Variants in DAB2 observed in about 807,000 individuals in gnomAD.
DAB2 encodes the protein DAB adaptor protein 2.
Under a neutral mutation model 71.6 loss-of-function variants are expected in DAB2, and 28 were observed. The ratio of observed to expected loss-of-function variants is 0.39; its 90% CI spans 0.29 to 0.54. The LOEUF is 0.54. DAB2 is among the 20% of genes least tolerant of loss of function. The pLI, the probability that DAB2 is intolerant of heterozygous loss-of-function variation, is 0.68. For missense variants in DAB2, 867 were observed against 928.8 expected, an observed-to-expected ratio of 0.93 and a Z score of 0.86; for synonymous variants, 345 against 339.7, an observed-to-expected ratio of 1.02 and a Z score of -0.17.
chr5:39,375,212 A>G, intron 13 of DAB2, 128 bp from the exon 14 acceptor site: 1 of 658,460 alleles, frequency 1.5e-6, no homozygotes, highest in Non-Finnish European at 2.7e-6. Context: ...CAAACATTAT[A>G]TGGGGCTTAC....
At chr5:39,412,981 C>A (rs1447187402) in intron 1 of DAB2, among the ~76,000 whole-genome samples, 1 of 152,058 alleles carries the variant, frequency 6.6e-6, no homozygotes, top group Non-Finnish European at 1.5e-5. Flanking sequence ...AGGGCCTGTG[C>A]TGGGTTATAC....
chr5:39,387,472 G>C (rs1391604772), intron 9 of DAB2, among the ~76,000 whole-genome samples: 1 of 152,034 alleles, frequency 6.6e-6, no homozygotes, highest in African/African-American at 2.4e-5. Flanking sequence ...TTTTAATGTT[G>C]GTCTCCCTGC....
intron 9 of DAB2, 192 bp downstream of exon 9, chr5:39,388,113 A>C: frequency 1.8e-6 from 1 of 548,646 alleles, no homozygotes; most frequent in Non-Finnish European, 3.2e-6. Flanking sequence ...TATTAATATA[A>C]CTGAATTAGT....
chr5:39,394,223 T>C lies in DAB2; in HGVS notation c.91+7A>G. On this transcript the variant is annotated splice_region_variant and intron_variant, in intron 2 of 14. Coordinates refer to ENST00000320816, the MANE Select transcript of DAB2 (RefSeq NM_001343.4). ...CCTTCCTTGGCTTCAAGTGGATTTCTCCATACCTTTCTTTTTTTCCTTCTT... is the reference window on the plus strand; with the variant it reads ...CCTTCCTTGGCTTCAAGTGGATTTCCCCATACCTTTCTTTTTTTCCTTCTT... 1 of 1,612,848 alleles carries C rather than the reference T, an allele frequency of 6.2e-7. No individual in the cohort carries two copies.
intron 14 of DAB2, among the ~76,000 whole-genome samples, chr5:39,373,871 T>C (rs983195382): frequency 1.3e-5 from 2 of 152,222 alleles, no homozygotes; most frequent in African/African-American, 2.4e-5. Flanking sequence ...TACTGCTTTA[T>C]TACCTTTAGA....
Position 39,383,288 on chromosome 5 carries a change from G to GAA in DAB2, c.688-19_688-18dup. On this transcript the variant is annotated splice_polypyrimidine_tract_variant and intron_variant, in intron 9 of 14. Coordinates refer to ENST00000320816, the MANE Select transcript of DAB2 (RefSeq NM_001343.4). The stretch of plus-strand genomic sequence containing the variant: ...TTTGCTTTCCTATCACATTTGGAAA[G>GAA]AAAAAAAAAGAAAGTGTTAGTCCAT... 1 of 1,534,340 alleles carries GAA rather than the reference G, an allele frequency of 6.5e-7. No homozygotes were observed. The highest frequency in any genetic ancestry group is 8.8e-7 in the Non-Finnish European group (1 of 1,138,212).
intron 1 of DAB2, among the ~76,000 whole-genome samples, chr5:39,419,337 T>A (rs1193896892): frequency 2.0e-5 from 3 of 152,188 alleles, no homozygotes; most frequent in Non-Finnish European, 4.4e-5. Flanking sequence ...TAGTAGGTAA[T>A]TGCTAAGTAT....
At chr5:39,423,278 A>T (rs148635140) in intron 1 of DAB2, among the ~76,000 whole-genome samples, 116 of 152,424 alleles carry the variant, frequency 7.6e-4, no homozygotes, top group African/African-American at 2.6e-3. Context: ...AGAAATCCAC[A>T]TTGGCAAAGA....
At chr5:39,412,367 A>G (rs1755751644) in intron 1 of DAB2, among the ~76,000 whole-genome samples, 1 of 152,104 alleles carries the variant, frequency 6.6e-6, no homozygotes, top group South Asian at 2.1e-4. Flanking sequence ...GAGACTAGAA[A>G]CCAAGTTTGC....
intron 1 of DAB2, among the ~76,000 whole-genome samples, chr5:39,423,098 G>C (rs912029594): frequency 6.6e-6 from 1 of 152,148 alleles, no homozygotes; most frequent in East Asian, 1.9e-4. Context: ...AAGCATAGGA[G>C]GGCATAGCTG....
intron 1 of DAB2, among the ~76,000 whole-genome samples, chr5:39,397,023 G>A (rs1236195172): frequency 6.6e-6 from 1 of 152,204 alleles, no homozygotes; most frequent in Non-Finnish European, 1.5e-5. Flanking sequence ...CTGCCAGTAA[G>A]GTGCGCTGGA....
At chr5:39,402,549 T>C (rs1266022171) in intron 1 of DAB2, among the ~76,000 whole-genome samples, 1 of 152,120 alleles carries the variant, frequency 6.6e-6, no homozygotes, top group African/African-American at 2.4e-5. Flanking sequence ...CCCAAACAGC[T>C]GAGATTACAG....
chr5:39,380,633 G>A (rs1754958649), intron 11 of DAB2, among the ~76,000 whole-genome samples: 1 of 152,144 alleles, frequency 6.6e-6, no homozygotes. Flanking sequence ...ATAGGCTATG[G>A]ACTAAGAATA....
intron 10 of DAB2, 85 bp from the exon 11 acceptor site, chr5:39,381,701 CAATTTGAGAGCCACAA>C: frequency 6.9e-7 from 1 of 1,454,738 alleles, no homozygotes; most frequent in Non-Finnish European, 9.3e-7. Context: ...CCCTATACCC[CAATTTGAGAGCCACAA>C]AAAGGAAAAC....
In DAB2 at chr5:39,382,966, C is replaced by G. The variant is rs748668338; in HGVS notation, c.993G>C (p.Leu331=). The G allele has an allele frequency of 2.5e-6, 4 of 1,614,128 alleles. No homozygotes were observed. Among genetic ancestry groups the G allele is most frequent in the Non-Finnish European group, 3.4e-6 (4 of 1,180,024 alleles). The part of the protein sequence containing the change: ...KENSSSSSTP[L]SNGPLNGDVD... ...CATCACCATTCAGGGGCCCATTACT[C>G]AGCGGAGTAGACGAGCTACTCGAAT... is the stretch of plus-strand genomic sequence containing the variant. Residue 331 remains leucine, a synonymous_variant, in exon 10 of 15, where the codon CTG becomes CTC. Transcript: ENST00000320816.
rs756254967 is a variant in DAB2 at position 39,376,959 on chromosome 5, A to C, written c.1828T>G (p.Ser610Ala). The change falls in exon 12 of 15, where the codon TCC becomes GCC. Residue 610 changes from serine to alanine, a missense_variant. Coordinates refer to ENST00000320816, the MANE Select transcript of DAB2 (RefSeq NM_001343.4). ...PAPAVSTQPPSMHSSLLVTPP... is the reference protein window; with the variant it reads ...PAPAVSTQPPAMHSSLLVTPP... ...GTGACCAGGAGAGAGGAGTGCATGG[A>C]TGGGGGCTGAGTGGACACAGCAGGA... 2 of 1,614,070 alleles carry C rather than the reference A, an allele frequency of 1.2e-6. No homozygotes were observed. Among genetic ancestry groups the C allele is most frequent in the African/African-American group, 1.3e-5 (1 of 75,010 alleles).
Position 39,379,327 on chromosome 5 carries a change from C to T in DAB2, c.1505-2045G>A, listed in dbSNP as rs1354606907. Among the ~76,000 whole-genome samples the T allele has an allele frequency of 2.0e-5, 3 of 151,098 alleles. No individual in the cohort carries two copies. In the Admixed American group the frequency reaches 2.0e-4, roughly 10 times the overall value. On this transcript the variant is annotated intron_variant, in intron 11 of 14. Transcript: ENST00000320816. ...AATTAGCTGGGTGTGGTGGCGCATG[C>T]CTGTAATCCCAGCTACTAGAGAGGC...
intron 1 of DAB2, among the ~76,000 whole-genome samples, chr5:39,395,379 C>T (rs1755335905): frequency 1.3e-5 from 2 of 152,326 alleles, no homozygotes; most frequent in South Asian, 4.1e-4. Context: ...ACCCTGCCTT[C>T]AACAAAAGCC....
intron 14 of DAB2, among the ~76,000 whole-genome samples, chr5:39,374,569 G>A (rs1285628753): frequency 6.6e-6 from 1 of 152,172 alleles, no homozygotes; most frequent in Non-Finnish European, 1.5e-5. Flanking sequence ...CAGTTAAATG[G>A]TAGAGAAGTA....
Sources: gnomAD v4.1 joint callset for allele counts (sites outside exome capture counted in the v4.1 genomes callset) on GRCh38, gnomAD v4.1.1 for gene constraint, MANE v1.5 for transcripts, NCBI Gene and HGNC (gene_info 2026-07-23, HGNC 2026-07-21) for gene names.